The following RASA3 variants were observed in gnomAD, a reference collection of about 807,000 sequenced individuals.
RASA3 encodes ras GTPase-activating protein 3.
RASA3 carries 73 observed loss-of-function variants against 110.0 expected under a neutral mutation model. That is an observed-to-expected ratio of 0.66 (90% CI 0.55 to 0.81). RASA3 has a LOEUF of 0.81. Ranked by LOEUF, RASA3 falls within the 30% of genes least tolerant of loss-of-function variation. The pLI is 0.00. For synonymous variants in RASA3, 500 were observed against 451.4 expected (o/e 1.11, Z -1.37); for missense variants, 976 against 1,113.2 (o/e 0.88, Z 1.75).
rs547049768 is a variant in RASA3 at position 114,039,354 on chromosome 13, A to C, written c.372+1646T>G. ...GACGCTGTGCAGCAACCCTACACTCAGACACTCACTGCGGTCCCAACTGAG... is the reference window on the plus strand; with the variant it reads ...GACGCTGTGCAGCAACCCTACACTCCGACACTCACTGCGGTCCCAACTGAG... On this transcript the variant is annotated intron_variant, in intron 4 of 23. Coordinates refer to ENST00000334062, the MANE Select transcript of RASA3 (RefSeq NM_007368.4). 2.0e-5 allele frequency among the ~76,000 whole-genome samples: 3 copies of C among 147,422 alleles called. No individual in the cohort carries two copies. In the South Asian group the frequency reaches 6.2e-4, roughly 31 times the overall value.
In RASA3 at chr13:114,041,012, G is replaced by A; in HGVS notation, c.360C>T (p.Asp120=). The change falls in exon 4 of 24, where the codon GAC becomes GAT. Residue 120 remains aspartate, a synonymous_variant. Transcript: ENST00000334062. ...CCGAGAGTCTCACCTGCACTTCCGA[G>A]TCAGCGTCCACGTGCTGCAGCTGGA... is the stretch of plus-strand genomic sequence containing the variant. The part of the protein sequence containing the change: ...TWFQLQHVDA[D]SEVQGKVHLE... 6.2e-7 allele frequency: 1 copy of A among 1,613,730 alleles called. No homozygotes were observed. Among genetic ancestry groups the A allele is most frequent in the Non-Finnish European group, 8.5e-7 (1 of 1,180,030 alleles).
intron 2 of RASA3, among the ~76,000 whole-genome samples, chr13:114,058,377 G>A (rs899542265): frequency 2.0e-5 from 3 of 152,334 alleles, no homozygotes; most frequent in East Asian, 1.9e-4. Context: ...CCTGCCTGAC[G>A]ACCTCTCCCG....
chr13:114,029,216 TG>T (rs1267458854), intron 5 of RASA3, among the ~76,000 whole-genome samples: 3 of 20,206 alleles, frequency 1.5e-4, no homozygotes, highest in Admixed American at 4.6e-4. Context: ...GGCGTCATCC[TG>T]GGGGCCAGGA....
At chr13:114,000,486 C>A (rs1198831316) in intron 19 of RASA3, among the ~76,000 whole-genome samples, 2 of 152,184 alleles carry the variant, frequency 1.3e-5, no homozygotes, top group Non-Finnish European at 2.9e-5. Flanking sequence ...TGGTGGGAAG[C>A]CCCGTCTACC....
At chr13:114,032,647 C>G (rs908900046) in intron 4 of RASA3, among the ~76,000 whole-genome samples, 3 of 150,140 alleles carry the variant, frequency 2.0e-5, no homozygotes, top group Non-Finnish European at 3.0e-5. Context: ...GATACTATGC[C>G]CCACGGCACC....
At chr13:114,027,960 G>T in intron 5 of RASA3, 33 bp from the exon 6 acceptor site, 1 of 1,575,050 alleles carries the variant, frequency 6.3e-7, no homozygotes, top group Non-Finnish European at 8.7e-7. Flanking sequence ...CGTCAGGAGG[G>T]AGCGCAGACA....
At position 114,018,334 on chromosome 13, in the gene RASA3, C is replaced by T. The variant is rs928066459; in HGVS notation, c.943-82G>A. On this transcript the variant is annotated intron_variant, in intron 10 of 23. Coordinates refer to ENST00000334062, the MANE Select transcript of RASA3 (RefSeq NM_007368.4). ...TGTCCCCACCTTGGCTGGGGTCTCA[C>T]TTCCAGCCACAATAGATACGGCTCT... 1.6e-5 allele frequency: 23 copies of T among 1,441,538 alleles called. No homozygotes were observed. In the African/African-American group the frequency reaches 3.3e-4, roughly 21 times the overall value. The allele number at this position is 1,441,538 out of a possible 1,614,324, so 89.3% of individuals were successfully genotyped here. A position where few individuals can be genotyped will look rare whatever the true frequency, so the allele number is the denominator to read the frequency against.
Position 114,116,781 on chromosome 13 carries a change from A to AGGGGTGC in RASA3, c.55+15653_55+15654insGCACCCC, listed in dbSNP as rs1168857500. ...CGTGTGTGAGGGGTGCACGTGTGTGAAGGGTGCACGTGTGTGAGGGGTGCA... is the reference window on the plus strand; with the variant it reads ...CGTGTGTGAGGGGTGCACGTGTGTGAGGGGTGCAGGGTGCACGTGTGTGAGGGGTGCA... On this transcript the variant is annotated intron_variant, in intron 1 of 23. Transcript: ENST00000334062. 2.7e-4 allele frequency among the ~76,000 whole-genome samples: 35 copies of AGGGGTGC among 131,556 alleles called. 2 individuals are homozygous for AGGGGTGC. The highest frequency in any genetic ancestry group is 4.8e-4 in the South Asian group (2 of 4,194). 86.3% of individuals were successfully genotyped at this position (131,556 alleles called of 152,430 possible).
chr13:114,104,457 A>G (rs1449134158), intron 1 of RASA3, among the ~76,000 whole-genome samples: 1 of 152,082 alleles, frequency 6.6e-6, no homozygotes, highest in Non-Finnish European at 1.5e-5. Context: ...ATACCCCATG[A>G]CCTGTACCCA....
intron 9 of RASA3, among the ~76,000 whole-genome samples, chr13:114,019,328 G>T (rs913091656): frequency 2.0e-5 from 3 of 152,262 alleles, no homozygotes; most frequent in Admixed American, 6.5e-5. Flanking sequence ...GGGGCCTTGG[G>T]CTAGTGAGCC....
chr13:114,025,866 G>A (rs2054016463), intron 7 of RASA3, among the ~76,000 whole-genome samples: 1 of 152,210 alleles, frequency 6.6e-6, no homozygotes, highest in African/African-American at 2.4e-5. Flanking sequence ...CCTCCCCGGG[G>A]CTCAGCCTCC....
At chr13:113,989,984 G>A (rs1368111869) in intron 22 of RASA3, among the ~76,000 whole-genome samples, 2 of 152,006 alleles carry the variant, frequency 1.3e-5, no homozygotes, top group African/African-American at 2.4e-5. Context: ...AGGAAGGAGA[G>A]GGGATCATGG....
chr13:114,073,610 T>C, intron 2 of RASA3, 110 bp downstream of exon 2: 2 of 906,166 alleles, frequency 2.2e-6, no homozygotes, highest in Non-Finnish European at 3.7e-6. Context: ...ACGTACACGC[T>C]CGGGACGTTC....
chr13:113,997,915 C>T (rs2053292968), intron 20 of RASA3, among the ~76,000 whole-genome samples: 2 of 151,374 alleles, frequency 1.3e-5, no homozygotes, highest in African/African-American at 4.9e-5. Flanking sequence ...AGGTCTCGGA[C>T]TGGACGCCCC....
At chr13:114,077,437 C>T (rs1477578118) in intron 1 of RASA3, among the ~76,000 whole-genome samples, 1 of 146,608 alleles carries the variant, frequency 6.8e-6, no homozygotes, top group East Asian at 2.2e-4. Context: ...CCAGTCCCCC[C>T]ACACTGGCAC....
At chr13:113,984,432 C>T (rs1173243274) in intron 22 of RASA3, among the ~76,000 whole-genome samples, 8 of 75,688 alleles carry the variant, frequency 1.1e-4, no homozygotes, top group African/African-American at 2.9e-4. Flanking sequence ...ATGAACTCAA[C>T]ACTCATCCAT....
chr13:114,003,765 C>T (rs1182755007), intron 18 of RASA3, among the ~76,000 whole-genome samples: 4 of 152,290 alleles, frequency 2.6e-5, no homozygotes, highest in East Asian at 3.9e-4. Context: ...TATTTTTCTA[C>T]CTATTTAAAA....
At chr13:114,110,880 C>A (rs9314896) in intron 1 of RASA3, among the ~76,000 whole-genome samples, 1 of 152,036 alleles carries the variant, frequency 6.6e-6, no homozygotes, top group South Asian at 2.1e-4. Flanking sequence ...TGTCCCAGGT[C>A]GGGGGCAGCA....
At chr13:113,998,542 A>G (rs2053308791) in intron 20 of RASA3, among the ~76,000 whole-genome samples, 1 of 152,212 alleles carries the variant, frequency 6.6e-6, no homozygotes, top group Non-Finnish European at 1.5e-5. Context: ...GTACGGGGTC[A>G]GCCTCAGGAT....
Sources: gnomAD v4.1 joint callset for allele counts (sites outside exome capture counted in the v4.1 genomes callset) on GRCh38, gnomAD v4.1.1 for gene constraint, MANE v1.5 for transcripts, NCBI Gene and HGNC (gene_info 2026-07-23, HGNC 2026-07-21) for gene names.